Variants in KLHL22 observed in about 807,000 individuals in gnomAD.
KLHL22 encodes the protein kelch-like protein 22.
Under a neutral mutation model 60.7 loss-of-function variants are expected in KLHL22, and 18 were observed. The observed-to-expected ratio is 0.30, with a 90% CI of 0.20 to 0.44. KLHL22 has a LOEUF of 0.44. Ranked by LOEUF, KLHL22 falls within the 20% of genes least tolerant of loss-of-function variation. The pLI is 1.00. For synonymous variants in KLHL22, 355 were observed against 354.5 expected, an observed-to-expected ratio of 1.00 and a Z score of -0.01; for missense variants, 596 against 852.3, an observed-to-expected ratio of 0.70 and a Z score of 3.74.
intron 5 of KLHL22, 73 bp downstream of exon 5, chr22:20,457,735 G>A: frequency 8.3e-7 from 1 of 1,206,936 alleles, no homozygotes; most frequent in Admixed American, 2.1e-5. Context: ...TTGACACCTA[G>A]GCCTCTCACT....
Position 20,478,660 on chromosome 22 carries a change from G to A in KLHL22, c.228-7145C>T, listed in dbSNP as rs980068053. ...CTCCCGAGTAGCTGGGACTATAGGC[G>A]CCCGCCACCACGCCTAGCTAATTTT... is the stretch of plus-strand genomic sequence containing the variant. On this transcript the variant is annotated intron_variant, in intron 2 of 6. Transcript: ENST00000328879. Among the ~76,000 whole-genome samples, 490 of 149,484 alleles carry A rather than the reference G, an allele frequency of 3.3e-3. 4 individuals are homozygous for A. The highest frequency in any genetic ancestry group is 0.01 in the African/African-American group (430 of 41,088).
At chr22:20,478,204 A>AT (rs1410037667) in intron 2 of KLHL22, among the ~76,000 whole-genome samples, 4 of 149,120 alleles carry the variant, frequency 2.7e-5, no homozygotes, top group African/African-American at 9.9e-5. Flanking sequence ...TACCAAATTT[A>AT]ATTTTTTTTT....
intron 5 of KLHL22, 152 bp downstream of exon 5, chr22:20,457,656 T>TC: frequency 1.6e-6 from 1 of 638,222 alleles, no homozygotes; most frequent in East Asian, 2.7e-5. Flanking sequence ...ATCAATGCAT[T>TC]CAATGCAGGG....
rs989636283 is a variant in KLHL22, at chr22:20,495,191, G to T, written c.-34+569C>A. Among the ~76,000 whole-genome samples the T allele has an allele frequency of 2.0e-5, 3 of 152,128 alleles. No individual in the cohort carries two copies. Among genetic ancestry groups the T allele is most frequent in the African/African-American group, 7.2e-5 (3 of 41,432 alleles). On this transcript the variant is annotated intron_variant, in intron 1 of 6. Transcript: ENST00000328879. This position sits in a 1 kb window ranked among gnomAD's most constrained non-coding sequence, Gnocchi z 4.6. ...AGATCCACTCGGCTCGGCCCGCACC[G>T]GATCTAAAATGGTCAGAACTGGCAG...
intron 4 of KLHL22, 125 bp from the exon 5 acceptor site, chr22:20,458,125 C>G (rs1324150373): frequency 1.0e-6 from 1 of 977,224 alleles, no homozygotes; most frequent in East Asian, 2.6e-5. Context: ...CCCCAACTAC[C>G]CCACATACCA....
intron 2 of KLHL22, among the ~76,000 whole-genome samples, chr22:20,477,868 C>T (rs1255271294): frequency 1.3e-5 from 2 of 152,112 alleles, no homozygotes; most frequent in African/African-American, 4.8e-5. Flanking sequence ...TAAAAGCACT[C>T]GCCATGGAAC....
intron 5 of KLHL22, among the ~76,000 whole-genome samples, chr22:20,449,919 C>A (rs1414071024): frequency 6.6e-6 from 1 of 152,190 alleles, no homozygotes; most frequent in Non-Finnish European, 1.5e-5. Context: ...GTCGCGTGGC[C>A]GCAGGGAGCA....
chr22:20,446,535 G>A lies in KLHL22; in HGVS notation c.1447C>T (p.Arg483Cys). 6.2e-7 allele frequency: 1 copy of A among 1,613,602 alleles called. No individual in the cohort carries two copies. The highest frequency in any genetic ancestry group is 8.5e-7 in the Non-Finnish European group (1 of 1,179,916). ...WHTLADGPVRRAWHGMATLLN... is the reference protein window; with the variant it reads ...WHTLADGPVRCAWHGMATLLN... ...AGGGTTGCCATGCCGTGCCAGGCGC[G>A]CCGCACAGGCCCATCAGCCAGTGTG... Residue 483 changes from arginine to cysteine, a missense_variant, in exon 6 of 7, where the codon CGC becomes TGC. Arg to Cys is a radical substitution (Grantham distance 180). Coordinates refer to ENST00000328879, the MANE Select transcript of KLHL22 (RefSeq NM_032775.4).
At chr22:20,456,367 A>G (rs2053062497) in intron 5 of KLHL22, 1 of 152,176 alleles carries the variant, frequency 6.6e-6, no homozygotes, top group Non-Finnish European at 1.5e-5. Context: ...GTAGTTGCGG[A>G]ATGAATGCGT....
intron 2 of KLHL22, among the ~76,000 whole-genome samples, chr22:20,478,007 A>C (rs993191209): frequency 2.6e-5 from 4 of 152,224 alleles, no homozygotes; most frequent in Non-Finnish European, 4.4e-5. Flanking sequence ...CTTACTCTGA[A>C]GTGAATATGC....
chr22:20,484,959 T>C (rs932679774), intron 2 of KLHL22, among the ~76,000 whole-genome samples: 18 of 152,092 alleles, frequency 1.2e-4, no homozygotes, highest in African/African-American at 4.1e-4. Context: ...TTAAATGGCA[T>C]TGGAGTCTTT....
intron 4 of KLHL22, among the ~76,000 whole-genome samples, chr22:20,459,267 G>C (rs1429890367): frequency 6.6e-6 from 1 of 152,228 alleles, no homozygotes; most frequent in Non-Finnish European, 1.5e-5. Context: ...TGTGCCCTAT[G>C]CTGGTTAGTG....
At chr22:20,485,054 G>C in intron 2 of KLHL22, among the ~76,000 whole-genome samples, 1 of 152,274 alleles carries the variant, frequency 6.6e-6, no homozygotes, top group Admixed American at 6.5e-5. Flanking sequence ...TGGGGATAAA[G>C]TGCTATTAAT....
intron 3 of KLHL22, among the ~76,000 whole-genome samples, chr22:20,470,255 G>A (rs999808720): frequency 2.6e-5 from 4 of 151,792 alleles, no homozygotes; most frequent in Non-Finnish European, 4.4e-5. Flanking sequence ...AGGCTGAGGC[G>A]GGAGGACCAC....
rs532522769 is a variant in KLHL22, at chr22:20,466,664, T to C, written c.394-1088A>G. ...ACCTGATTTAGAATTATTTTTCTTT[T>C]TTCTTTTTAAAATTTGAGACAGGGT... On this transcript the variant is annotated intron_variant, in intron 3 of 6. Coordinates refer to ENST00000328879, the MANE Select transcript of KLHL22 (RefSeq NM_032775.4). Among the ~76,000 whole-genome samples, 6 of 152,324 alleles carry C rather than the reference T, an allele frequency of 3.9e-5. No individual in the cohort carries two copies. In the East Asian group the frequency reaches 9.6e-4, roughly 24 times the overall value.
intron 2 of KLHL22, among the ~76,000 whole-genome samples, chr22:20,477,814 T>C (rs1430890495): frequency 7.9e-5 from 12 of 152,162 alleles, no homozygotes; most frequent in Admixed American, 7.2e-4. Context: ...TAAACTCCTG[T>C]GCTCAAGTGA....
At chr22:20,482,904 TG>T in intron 2 of KLHL22, 1 of 1,125,630 alleles carries the variant, frequency 8.9e-7, no homozygotes, top group Non-Finnish European at 1.3e-6. Context: ...ATGGTTTGCA[TG>T]GAGTTGCTGC....
At chr22:20,461,808 C>CA (rs917881139) in intron 4 of KLHL22, among the ~76,000 whole-genome samples, 8 of 151,554 alleles carry the variant, frequency 5.3e-5, no homozygotes, top group African/African-American at 1.7e-4. Context: ...ACTAAAAATA[C>CA]AAAAAAATGG....
At chr22:20,487,169 C>T (rs1299303761) in intron 2 of KLHL22, among the ~76,000 whole-genome samples, 1 of 152,186 alleles carries the variant, frequency 6.6e-6, no homozygotes, top group African/African-American at 2.4e-5. Flanking sequence ...ATCCACCCGC[C>T]TCGGCCTCCC....
Sources: gnomAD v4.1 joint callset for allele counts (sites outside exome capture counted in the v4.1 genomes callset) on GRCh38, gnomAD v4.1.1 for gene constraint, Gnocchi (gnomAD v3.1) non-coding constraint, MANE v1.5 for transcripts, NCBI Gene and HGNC (gene_info 2026-07-23, HGNC 2026-07-21) for gene names.